DST: variants seen among roughly 807,000 people sequenced by gnomAD.
DST encodes the protein dystonin.
Under a neutral mutation model 875.2 loss-of-function variants are expected in DST, and 253 were observed. That is an observed-to-expected ratio of 0.29 (90% CI 0.26 to 0.32). The LOEUF (loss-of-function observed/expected upper bound fraction) is 0.32, where lower values mean the gene tolerates loss of function less well. Among genes scored for constraint, DST ranks in the 10% least tolerant of loss-of-function variants. DST has a pLI of 1.00. For synonymous variants in DST, 3,124 were observed against 3,197.1 expected (o/e 0.98, Z 0.77); for missense variants, 8,287 against 9,111.6 (o/e 0.91, Z 3.68).
At position 56,572,231 on chromosome 6, in the gene DST, A is replaced by G; in HGVS notation, c.13590T>C (p.His4530=). Residue 4530 remains histidine, a synonymous_variant, in exon 53 of 104, where the codon CAT becomes CAC. Transcript: ENST00000680361. The stretch of plus-strand genomic sequence containing the variant: ...TCAAGAGACTATGCAAAACTTCAAG[A>G]TGTTTCTTGTGTTCTAAAAATTCAG... ...STSEFLEHKK[H]LEVLHSLLKE... 1 of 1,575,052 alleles carries G rather than the reference A, an allele frequency of 6.3e-7. No individual in the cohort carries two copies. Among genetic ancestry groups the G allele is most frequent in the Middle Eastern group, 1.7e-4 (1 of 5,900 alleles).
intron 15 of DST, among the ~76,000 whole-genome samples, chr6:56,643,208 A>G (rs2152783298): frequency 1.3e-5 from 2 of 152,348 alleles, no homozygotes; most frequent in Middle Eastern, 6.8e-3. Context: ...TCATTAGCTA[A>G]AAGAACACAA....
At position 56,578,860 on chromosome 6, in the gene DST, G is replaced by A. The variant is rs2152636982; in HGVS notation, c.12981C>T (p.Ala4327=). 6.2e-7 allele frequency: 1 copy of A among 1,611,214 alleles called. No homozygotes were observed. Among genetic ancestry groups the A allele is most frequent in the Non-Finnish European group, 8.5e-7 (1 of 1,178,736 alleles). The part of the protein sequence containing the change: ...LKKTAEVLLD[A]RGSLLPAKND... The stretch of plus-strand genomic sequence containing the variant: ...TCTTGGCTGGAAGTAAAGATCCCCT[G>A]GCATCTAAAAGCACTTCAGCCGTTT... Residue 4327 remains alanine (A), a synonymous_variant, in exon 50 of 104, where the codon GCC becomes GCT. Transcript: ENST00000680361.
At chr6:56,825,058 G>C (rs1255893790) in intron 4 of DST, among the ~76,000 whole-genome samples, 1 of 152,292 alleles carries the variant, frequency 6.6e-6, no homozygotes, top group Admixed American at 6.5e-5. Flanking sequence ...GAATAGAAAG[G>C]GCGGAAAGGT....
At chr6:56,586,073 T>C (rs2098141434) in intron 49 of DST, among the ~76,000 whole-genome samples, 1 of 152,214 alleles carries the variant, frequency 6.6e-6, no homozygotes, top group Non-Finnish European at 1.5e-5. Context: ...GTATATTCTG[T>C]TGATTTGGGG....
intron 87 of DST, among the ~76,000 whole-genome samples, chr6:56,486,650 C>T (rs762401677): frequency 5.9e-5 from 9 of 151,988 alleles, no homozygotes. Flanking sequence ...GAAAGAAATG[C>T]TGGGGCCAGA....
At chr6:56,490,271 C>T (rs1640586902) in intron 85 of DST, among the ~76,000 whole-genome samples, 1 of 152,074 alleles carries the variant, frequency 6.6e-6, no homozygotes, top group Non-Finnish European at 1.5e-5. Context: ...GCATCTATAA[C>T]CTTGCAAACA....
intron 91 of DST, 76 bp from the exon 92 acceptor site, chr6:56,476,413 T>C: frequency 1.5e-6 from 2 of 1,293,308 alleles, no homozygotes; most frequent in Non-Finnish European, 2.1e-6. Flanking sequence ...AATAAATAAA[T>C]TTTAAATGAA....
intron 3 of DST, among the ~76,000 whole-genome samples, chr6:56,891,128 G>T (rs889269016): frequency 6.6e-6 from 1 of 152,200 alleles, no homozygotes; most frequent in Non-Finnish European, 1.5e-5. Context: ...TTAAAAGCAG[G>T]GAAATGTCGG....
chr6:56,755,736 T>G (rs2099600751), intron 4 of DST, among the ~76,000 whole-genome samples: 1 of 152,270 alleles, frequency 6.6e-6, no homozygotes, highest in Non-Finnish European at 1.5e-5. Flanking sequence ...TTTTCTCTTT[T>G]GCCTTTTGGC....
chr6:56,711,276 A>G (rs2099362268), intron 5 of DST, among the ~76,000 whole-genome samples: 1 of 152,308 alleles, frequency 6.6e-6, no homozygotes, highest in Non-Finnish European at 1.5e-5. Flanking sequence ...TGTTTCACCT[A>G]GGTATTTTTT....
Position 56,562,127 on chromosome 6 carries a change from TTA to T in DST, c.14068+9_14068+10del. Reference sequence around the variant, plus strand: ...TACATTAATCAGTAACAAATTAAAATTAATACTCACCTTTATTTGCCCAAAAT... The same window carrying T: ...TACATTAATCAGTAACAAATTAAAATATACTCACCTTTATTTGCCCAAAAT... On this transcript the variant is annotated intron_variant, in intron 56 of 103. Transcript: ENST00000680361. 1 of 1,507,924 alleles carries T rather than the reference TTA, an allele frequency of 6.6e-7. No individual in the cohort carries two copies. Among genetic ancestry groups the T allele is most frequent in the Non-Finnish European group, 9.0e-7 (1 of 1,114,110 alleles). The allele number at this position is 1,507,924 out of a possible 1,614,324, so 93.4% of individuals were successfully genotyped here.
intron 2 of DST, among the ~76,000 whole-genome samples, chr6:56,905,953 T>C (rs1796213182): frequency 6.6e-6 from 1 of 152,170 alleles, no homozygotes; most frequent in Non-Finnish European, 1.5e-5. Flanking sequence ...CCAGCCTATA[T>C]TGCACTTTCT....
At chr6:56,601,325 A>G (rs1318622241) in intron 44 of DST, 118 bp downstream of exon 44, 3 of 645,806 alleles carry the variant, frequency 4.6e-6, no homozygotes, top group Non-Finnish European at 8.3e-6. Context: ...TGTACACTGT[A>G]TCTTATCCAT....
intron 4 of DST, among the ~76,000 whole-genome samples, chr6:56,825,241 G>C (rs1315633344): frequency 1.3e-5 from 2 of 148,776 alleles, no homozygotes; most frequent in Non-Finnish European, 3.0e-5. Context: ...TGTCCACTCA[G>C]GGTTAAATGG....
chr6:56,640,637 A>C (rs369364947), intron 17 of DST, 32 bp from the exon 18 acceptor site: 13 of 1,509,454 alleles, frequency 8.6e-6, no homozygotes, highest in Non-Finnish European at 1.2e-5. Flanking sequence ...ATAAGGTGAA[A>C]TATAAAGGCA....
At chr6:56,791,937 A>T (rs529207366) in intron 4 of DST, among the ~76,000 whole-genome samples, 1 of 152,310 alleles carries the variant, frequency 6.6e-6, no homozygotes, top group East Asian at 1.9e-4. Flanking sequence ...CACTGAAACA[A>T]ACTGAATTCT....
intron 5 of DST, among the ~76,000 whole-genome samples, chr6:56,727,501 A>T (rs2099467594): frequency 6.6e-6 from 1 of 152,074 alleles, no homozygotes; most frequent in Non-Finnish European, 1.5e-5. Context: ...ACAAAGTGTA[A>T]TTTTTTTTCT....
intron 37 of DST, among the ~76,000 whole-genome samples, chr6:56,613,502 G>C (rs2098568575): frequency 6.6e-6 from 1 of 152,214 alleles, no homozygotes; most frequent in Non-Finnish European, 1.5e-5. Context: ...AGAGCTAGAA[G>C]TGGGAGCTAA....
chr6:56,807,760 A>C (rs1470118960), intron 4 of DST, among the ~76,000 whole-genome samples: 2 of 152,230 alleles, frequency 1.3e-5, no homozygotes, highest in African/African-American at 4.8e-5. Flanking sequence ...TGTAAGGGAC[A>C]AAACTATAAA....
Sources: gnomAD v4.1 joint callset for allele counts (sites outside exome capture counted in the v4.1 genomes callset) on GRCh38, gnomAD v4.1.1 for gene constraint, MANE v1.5 for transcripts, NCBI Gene and HGNC (gene_info 2026-07-23, HGNC 2026-07-21) for gene names.